Variants in ABCC4 observed in about 807,000 individuals in gnomAD.
The protein encoded by ABCC4 is ATP-binding cassette sub-family C member 4.
ABCC4 carries 102 observed loss-of-function variants against 168.5 expected under a neutral mutation model. That is an observed-to-expected ratio of 0.61 (90% CI 0.52 to 0.71). The LOEUF is 0.71. Among genes scored for constraint, ABCC4 ranks in the 30% least tolerant of loss-of-function variants. The pLI is 0.00. For synonymous variants in ABCC4, 617 were observed against 590.7 expected, an observed-to-expected ratio of 1.04 and a Z score of -0.65; for missense variants, 1,402 against 1,605.8, an observed-to-expected ratio of 0.87 and a Z score of 2.17.
intron 29 of ABCC4, among the ~76,000 whole-genome samples, chr13:95,040,336 C>T (rs35079174): frequency 0.097 from 14,794 of 152,172 alleles, 955 homozygotes; most frequent in Admixed American, 0.17. Context: ...GGTTCAAAAG[C>T]GTCTCCTGCC....
At chr13:95,257,164 T>C (rs566819334) in intron 1 of ABCC4, among the ~76,000 whole-genome samples, 4 of 152,378 alleles carry the variant, frequency 2.6e-5, no homozygotes, top group African/African-American at 9.6e-5. Context: ...GTATGCTCTA[T>C]GTATTATATA....
intron 30 of ABCC4, among the ~76,000 whole-genome samples, chr13:95,029,167 CATATATATATATATATATATATATATAT>C (rs67576340): frequency 6.0e-5 from 5 of 82,932 alleles, no homozygotes; most frequent in Admixed American, 1.3e-4. Flanking sequence ...AAAAAAAATA[CATATATATATATATATATATATATATAT>C]ATATATATAT....
chr13:95,041,190 A>C (rs1195750448), intron 29 of ABCC4, among the ~76,000 whole-genome samples: 2 of 152,230 alleles, frequency 1.3e-5, no homozygotes, highest in Non-Finnish European at 2.9e-5. Flanking sequence ...ATGAAGATTA[A>C]ATTAGCTGTC....
chr13:95,081,318 G>A (rs970560872), intron 21 of ABCC4, among the ~76,000 whole-genome samples: 3 of 152,084 alleles, frequency 2.0e-5, no homozygotes, highest in African/African-American at 4.8e-5. Context: ...GACAGTCTAC[G>A]TCAAGATGTT....
intron 19 of ABCC4, among the ~76,000 whole-genome samples, chr13:95,159,091 T>TG (rs2036980541): frequency 3.6e-5 from 1 of 27,458 alleles, no homozygotes; most frequent in Non-Finnish European, 7.9e-5. Context: ...TCTAAATAAA[T>TG]TTTATATATA....
intron 20 of ABCC4, among the ~76,000 whole-genome samples, chr13:95,083,821 C>T (rs1278544484): frequency 1.3e-5 from 2 of 152,146 alleles, no homozygotes; most frequent in Non-Finnish European, 2.9e-5. Flanking sequence ...CCACACCAGG[C>T]CCCCATTAGT....
chr13:95,228,137 C>G (rs911277355), intron 4 of ABCC4, among the ~76,000 whole-genome samples: 6 of 152,200 alleles, frequency 3.9e-5, no homozygotes, highest in African/African-American at 1.4e-4. Context: ...CACTGTATGG[C>G]TCAGTTGCTG....
intron 20 of ABCC4, among the ~76,000 whole-genome samples, chr13:95,103,707 T>G (rs1354007056): frequency 6.6e-6 from 1 of 152,210 alleles, no homozygotes; most frequent in African/African-American, 2.4e-5. Flanking sequence ...GTTTTCCTGA[T>G]GCTGGTACAA....
chr13:95,218,126 G>C (rs1409319383), intron 4 of ABCC4, among the ~76,000 whole-genome samples: 2 of 152,170 alleles, frequency 1.3e-5, no homozygotes, highest in South Asian at 4.1e-4. Flanking sequence ...CCCCAGAGTT[G>C]AGTTTGTGAG....
intron 1 of ABCC4, among the ~76,000 whole-genome samples, chr13:95,258,011 C>T (rs1236272495): frequency 4.6e-5 from 7 of 152,202 alleles, no homozygotes; most frequent in African/African-American, 7.2e-5. Context: ...CCTGCAGGAG[C>T]GCCAACATGC....
intron 25 of ABCC4, among the ~76,000 whole-genome samples, chr13:95,066,188 G>A (rs565311203): frequency 1.1e-4 from 16 of 152,288 alleles, no homozygotes; most frequent in Non-Finnish European, 1.8e-4. Context: ...ATATGCCATC[G>A]TGCCTTTCAC....
chr13:95,186,155 ATTTT>A (rs1025590323), intron 11 of ABCC4, among the ~76,000 whole-genome samples: 2 of 150,704 alleles, frequency 1.3e-5, no homozygotes, highest in African/African-American at 5.0e-5. Flanking sequence ...AATTCTGGTG[ATTTT>A]TTTTCTTGAG....
At chr13:95,174,928 A>G (rs1331248121) in intron 13 of ABCC4, among the ~76,000 whole-genome samples, 3 of 152,230 alleles carry the variant, frequency 2.0e-5, no homozygotes, top group Non-Finnish European at 4.4e-5. Flanking sequence ...TGGTTGTGGA[A>G]AAATAGACAA....
At chr13:95,096,153 C>T (rs1405009474) in intron 20 of ABCC4, 8 of 641,304 alleles carry the variant, frequency 1.2e-5, no homozygotes, top group Non-Finnish European at 2.0e-5. Flanking sequence ...TTGAGACCAG[C>T]CAGGACAACA....
chr13:95,225,522 T>C (rs144857580), intron 4 of ABCC4, among the ~76,000 whole-genome samples: 2,080 of 151,880 alleles, frequency 0.014, 26 homozygotes, highest in Non-Finnish European at 0.023. Flanking sequence ...ATACAAAAAT[T>C]AGTCGGGTGC....
chr13:95,043,781 A>T lies in ABCC4; in HGVS notation c.3636T>A (p.Asp1212Glu), dbSNP rs1289877726. The T allele has an allele frequency of 2.5e-6, 4 of 1,611,820 alleles. No individual in the cohort carries two copies. In the East Asian group the frequency reaches 8.9e-5, roughly 36 times the overall value. ...CCCGGATTTTTTTTTGTATTAACTC[A>T]TCAGTTCTGCAATCAAAGAAGTTAA... Reference protein sequence around the residue: ...EATANVDPRTDELIQKKIREK... With the variant: ...EATANVDPRTEELIQKKIREK... Residue 1212 changes from aspartate to glutamate, a missense_variant, in exon 29 of 31, where the codon GAT becomes GAA. Around this residue, in one of 3 missense-constraint regions of ABCC4, gnomAD observed 1,007 missense variants for 1,127.3 expected, o/e 0.89. Coordinates refer to ENST00000645237, the MANE Select transcript of ABCC4 (RefSeq NM_005845.5).
chr13:95,065,294 T>C (rs144657962), intron 25 of ABCC4, among the ~76,000 whole-genome samples: 127 of 152,310 alleles, frequency 8.3e-4, no homozygotes, highest in African/African-American at 2.9e-3. Flanking sequence ...AAACAAAAAC[T>C]CTTTTGCTAG....
intron 4 of ABCC4, among the ~76,000 whole-genome samples, chr13:95,224,175 C>A (rs2039387577): frequency 7.7e-6 from 1 of 129,158 alleles, no homozygotes. Flanking sequence ...TCTAAAAAAT[C>A]AGTATCAAAG....
At chr13:95,073,163 A>T in intron 24 of ABCC4, 41 bp downstream of exon 24, 1 of 1,495,468 alleles carries the variant, frequency 6.7e-7, no homozygotes, top group Non-Finnish European at 9.3e-7. Flanking sequence ...ATTTAATGGC[A>T]AGGAGATTGA....
Sources: allele counts gnomAD v4.1 joint callset (sites outside exome capture counted in the v4.1 genomes callset), GRCh38; gene constraint gnomAD v4.1.1; regional missense constraint gnomAD v4.1.1; transcripts MANE v1.5; gene names NCBI Gene and HGNC (gene_info 2026-07-23, HGNC 2026-07-21).